MMP16: variants seen among roughly 807,000 people sequenced by gnomAD.
The protein encoded by MMP16 is matrix metallopeptidase 16, also known as matrix metalloproteinase-16.
A neutral mutation model predicts 67.8 loss-of-function variants in MMP16; 12 were observed. The observed-to-expected ratio is 0.18, with a 90% CI of 0.11 to 0.29. MMP16 has a LOEUF of 0.29. Ranked by LOEUF, MMP16 falls within the 10% of genes least tolerant of loss-of-function variation. MMP16 has a pLI of 1.00. For missense variants in MMP16, 475 were observed against 765.7 expected (o/e 0.62, Z 4.48); for synonymous variants, 249 against 255.9 (o/e 0.97, Z 0.26).
At chr8:88,132,023 T>C (rs1029832064) in intron 4 of MMP16, among the ~76,000 whole-genome samples, 1 of 151,870 alleles carries the variant, frequency 6.6e-6, no homozygotes, top group Non-Finnish European at 1.5e-5. Flanking sequence ...CTGAAATTGC[T>C]TTGACTATTT....
intron 1 of MMP16, among the ~76,000 whole-genome samples, chr8:88,288,492 G>C (rs1270384196): frequency 6.6e-6 from 1 of 152,126 alleles, no homozygotes; most frequent in Non-Finnish European, 1.5e-5. Flanking sequence ...GATTAAGTAT[G>C]CCACTGAGGT....
intron 1 of MMP16, among the ~76,000 whole-genome samples, chr8:88,323,058 T>C (rs1811484831): frequency 6.6e-6 from 1 of 152,170 alleles, no homozygotes; most frequent in African/African-American, 2.4e-5. Flanking sequence ...GCCCCTGTTG[T>C]TGACCAGTTA....
intron 7 of MMP16, among the ~76,000 whole-genome samples, chr8:88,060,529 C>T (rs928597831): frequency 1.3e-5 from 2 of 152,106 alleles, no homozygotes; most frequent in Non-Finnish European, 2.9e-5. Context: ...GGTGTCTTAT[C>T]TCATCTACAT....
chr8:88,137,804 G>A (rs1446204220), intron 4 of MMP16, among the ~76,000 whole-genome samples: 1 of 151,456 alleles, frequency 6.6e-6, no homozygotes, highest in Non-Finnish European at 1.5e-5. Context: ...TGATTTCTTT[G>A]TGCTTAAGCC....
At chr8:88,218,806 G>A (rs1029958616) in intron 1 of MMP16, among the ~76,000 whole-genome samples, 1 of 151,836 alleles carries the variant, frequency 6.6e-6, no homozygotes, top group African/African-American at 2.4e-5. Flanking sequence ...TTCATAATAT[G>A]GTATCAAATT....
intron 6 of MMP16, among the ~76,000 whole-genome samples, chr8:88,075,938 T>TACACACACACACACACACACACACACAC (rs71556442): frequency 7.1e-6 from 1 of 140,410 alleles, no homozygotes; most frequent in African/African-American, 2.7e-5. Flanking sequence ...CATATATTCA[T>TACACACACACACACACACACACACACAC]ACACACACAC....
intron 1 of MMP16, among the ~76,000 whole-genome samples, chr8:88,237,864 A>C (rs2129891514): frequency 6.6e-6 from 1 of 152,262 alleles, no homozygotes; most frequent in African/African-American, 2.4e-5. Flanking sequence ...ACGTCTTGGA[A>C]ATGATTTGTG....
chr8:88,203,681 G>A (rs1376533618), intron 1 of MMP16, among the ~76,000 whole-genome samples: 1 of 152,114 alleles, frequency 6.6e-6, no homozygotes, highest in African/African-American at 2.4e-5. Context: ...TTACAGAAAA[G>A]AAATTTTATA....
chr8:88,106,885 A>T (rs2118398028), intron 6 of MMP16, among the ~76,000 whole-genome samples: 1 of 151,288 alleles, frequency 6.6e-6, no homozygotes, highest in East Asian at 2.0e-4. Context: ...ATTTTCAGCC[A>T]TGTAGAAATG....
chr8:88,033,432 G>A lies in MMP16; in HGVS notation c.*8029C>T, dbSNP rs887276232. The A allele has an allele frequency of 2.0e-5, 3 of 151,366 alleles. No individual in the cohort carries two copies. Among genetic ancestry groups the A allele is most frequent in the Non-Finnish European group, 4.4e-5 (3 of 67,816 alleles). 9.4% of individuals were successfully genotyped at this position (151,366 alleles called of 1,614,324 possible). ...AGATAATGTTAATAAAGGTATACAC[G>A]TTTTAAAATATCTTAAAGATAGGTT... On this transcript the variant is annotated 3_prime_UTR_variant, in exon 10 of 10. Coordinates refer to ENST00000286614, the MANE Select transcript of MMP16 (RefSeq NM_005941.5).
At chr8:88,240,300 C>T (rs1175404464) in intron 1 of MMP16, among the ~76,000 whole-genome samples, 2 of 152,120 alleles carry the variant, frequency 1.3e-5, no homozygotes, top group Non-Finnish European at 2.9e-5. Flanking sequence ...ATTTTAGTTG[C>T]AATCTGAAAG....
At chr8:88,312,467 G>A (rs1423212189) in intron 1 of MMP16, among the ~76,000 whole-genome samples, 1 of 152,086 alleles carries the variant, frequency 6.6e-6, no homozygotes, top group Non-Finnish European at 1.5e-5. Context: ...CTCTATTGAG[G>A]TATGATTGGT....
intron 6 of MMP16, among the ~76,000 whole-genome samples, chr8:88,094,555 T>G (rs1414940892): frequency 6.6e-6 from 1 of 151,556 alleles, no homozygotes; most frequent in Non-Finnish European, 1.5e-5. Flanking sequence ...CTTTAGTTTT[T>G]GTTGCAAAGA....
chr8:88,265,223 C>CTTTTTTTTTTTTTTTTTTTTTTTTTT (rs398008661), intron 1 of MMP16, among the ~76,000 whole-genome samples: 6 of 100,780 alleles, frequency 6.0e-5, no homozygotes, highest in Admixed American at 1.2e-4. Flanking sequence ...TGACCATTTC[C>CTTTTTTTTTTTTTTTTTTTTTTTTTT]TTTTTTTTTT....
At chr8:88,274,351 C>T (rs1379394788) in intron 1 of MMP16, among the ~76,000 whole-genome samples, 2 of 152,044 alleles carry the variant, frequency 1.3e-5, no homozygotes, top group African/African-American at 2.4e-5. Context: ...CCCAATCCTG[C>T]AGGTGTGTTT....
At chr8:88,253,605 T>G (rs1810258546) in intron 1 of MMP16, among the ~76,000 whole-genome samples, 1 of 152,058 alleles carries the variant, frequency 6.6e-6, no homozygotes, top group Admixed American at 6.6e-5. Context: ...GTTTCAAAAC[T>G]TAGCTTGAGT....
chr8:88,184,734 G>A (rs1402585430), intron 3 of MMP16, among the ~76,000 whole-genome samples: 3 of 94,168 alleles, frequency 3.2e-5, no homozygotes, highest in African/African-American at 8.7e-5. Context: ...GCGACAGAGT[G>A]AGGCCCTGTC....
rs1428219148 is a variant in MMP16 at position 88,105,607 on chromosome 8, C to A, written c.1083+10900G>T. On this transcript the variant is annotated intron_variant, in intron 6 of 9. Coordinates refer to ENST00000286614, the MANE Select transcript of MMP16 (RefSeq NM_005941.5). ...TATGGAAAATTGGTTGCCCCACCAT[C>A]TCCCTGTCACTTCTCTCATTCATGG... Among the ~76,000 whole-genome samples, 30 of 151,476 alleles carry A rather than the reference C, an allele frequency of 2.0e-4. No homozygotes were observed. The Admixed American group carries it at 2.0e-3, about 10-fold the overall frequency.
intron 3 of MMP16, among the ~76,000 whole-genome samples, chr8:88,177,425 T>G (rs1563554520): frequency 6.6e-6 from 1 of 152,154 alleles, no homozygotes; most frequent in African/African-American, 2.4e-5. Context: ...ACTCACGGTT[T>G]ATCAAGAGCA....
Sources: gnomAD v4.1 joint callset for allele counts (sites outside exome capture counted in the v4.1 genomes callset) on GRCh38, gnomAD v4.1.1 for gene constraint, MANE v1.5 for transcripts, NCBI Gene and HGNC (gene_info 2026-07-23, HGNC 2026-07-21) for gene names.